Variants in CHD1L observed in about 807,000 individuals in gnomAD.
CHD1L encodes the protein ATP-dependent chromatin remodeler CHD1L.
CHD1L carries 118 observed loss-of-function variants against 115.9 expected under a neutral mutation model. The ratio of observed to expected loss-of-function variants is 1.02; its 90% CI spans 0.88 to 1.19. The LOEUF is 1.19. CHD1L is among the 50% of genes most tolerant of loss of function. The pLI is 0.00. For missense variants in CHD1L, 1,179 were observed against 1,065.3 expected (o/e 1.11, Z -1.49); for synonymous variants, 411 against 387.1 (o/e 1.06, Z -0.72).
intron 18 of CHD1L, among the ~76,000 whole-genome samples, 199 bp downstream of exon 18, chr1:147,286,699 C>A (rs1347986818): frequency 6.6e-6 from 1 of 152,172 alleles, no homozygotes; most frequent in Non-Finnish European, 1.5e-5. Flanking sequence ...AGTTACCCAA[C>A]CTTTCAACTT....
At chr1:147,224,148 G>C in the CHD1L span, 1 of 305,740 alleles carries the variant, frequency 3.3e-6, no homozygotes, top group African/African-American at 2.2e-5. Flanking sequence ...AGGAAGACCT[G>C]CACGACGTTG....
At chr1:147,286,177 G>C in intron 17 of CHD1L, 121 bp from the exon 18 acceptor site, 1 of 925,432 alleles carries the variant, frequency 1.1e-6, no homozygotes, top group Non-Finnish European at 1.6e-6. Flanking sequence ...CTTCAATCAG[G>C]GTGAGTTTCT....
chr1:147,254,356 C>T (rs1553938369), intron 2 of CHD1L, among the ~76,000 whole-genome samples: 1 of 151,940 alleles, frequency 6.6e-6, no homozygotes, highest in African/African-American at 2.4e-5. Context: ...ATAGAAGACA[C>T]CCTGTAAATA....
intron 12 of CHD1L, among the ~76,000 whole-genome samples, chr1:147,272,909 A>AAG (rs1676815004): frequency 6.6e-6 from 1 of 151,182 alleles, no homozygotes; most frequent in Non-Finnish European, 1.5e-5. Context: ...TCTGGAAAAA[A>AAG]AAAAAAAAAG....
the CHD1L span, chr1:147,212,315 G>A: frequency 6.9e-7 from 1 of 1,459,430 alleles, no homozygotes; most frequent in Non-Finnish European, 9.5e-7. Flanking sequence ...CCTATTCTCT[G>A]TTGGGTCCAC....
intron 14 of CHD1L, among the ~76,000 whole-genome samples, chr1:147,279,092 T>G (rs1361148649): frequency 6.6e-6 from 1 of 152,302 alleles, no homozygotes. Flanking sequence ...CCTGGTTATG[T>G]GTATGGAGGG....
the CHD1L span, among the ~76,000 whole-genome samples, chr1:147,228,674 G>C: frequency 2.0e-5 from 3 of 152,144 alleles, no homozygotes; most frequent in Admixed American, 6.6e-5. Context: ...AGCACCTGTT[G>C]TTTCCTGACT....
At chr1:147,222,254 G>A in the CHD1L span, among the ~76,000 whole-genome samples, 910 of 152,272 alleles carry the variant, frequency 6.0e-3, 4 homozygotes, top group Middle Eastern at 0.01. Flanking sequence ...TATAATTTCA[G>A]CTACTTGAGA....
At position 147,294,502 on chromosome 1, in the gene CHD1L, G is replaced by A. The variant is rs1686840683; in HGVS notation, c.2600G>A (p.Gly867Asp). 2 of 1,611,420 alleles carry A rather than the reference G, an allele frequency of 1.2e-6. No homozygotes were observed. The highest frequency in any genetic ancestry group is 1.7e-6 in the Non-Finnish European group (2 of 1,178,744). Residue 867 changes from glycine (G) to aspartate (D), a missense_variant, in exon 22 of 23, where the codon GGC (glycine) becomes GAC (aspartate). Coordinates refer to ENST00000369258, the MANE Select transcript of CHD1L (RefSeq NM_004284.6). Reference protein sequence around the residue: ...RLIRKHLAARGIPTYIYYFPR... With the variant: ...RLIRKHLAARDIPTYIYYFPR... ...ATTCGGAAACATCTGGCTGCAAGAG[G>A]CATCCCAACTTACATGTATCCTTTT...
intron 2 of CHD1L, among the ~76,000 whole-genome samples, chr1:147,254,458 A>G (rs587723813): frequency 2.0e-5 from 3 of 152,330 alleles, no homozygotes; most frequent in African/African-American, 7.2e-5. Context: ...CCTGGCAGGC[A>G]GCAGAGGGCC....
chr1:147,248,710 G>A (rs2102300790), intron 1 of CHD1L, among the ~76,000 whole-genome samples: 1 of 152,070 alleles, frequency 6.6e-6, no homozygotes, highest in Non-Finnish European at 1.5e-5. Context: ...ATCTCTTTGT[G>A]TAGCTTTTTA....
the CHD1L span, among the ~76,000 whole-genome samples, chr1:147,235,087 CTG>C: frequency 0.037 from 5,412 of 145,864 alleles, 109 homozygotes; most frequent in African/African-American, 0.047. Flanking sequence ...ATATCCCACA[CTG>C]TGTGTGTGTG....
intron 1 of CHD1L, among the ~76,000 whole-genome samples, chr1:147,250,499 G>C (rs1668073598): frequency 6.6e-6 from 1 of 152,062 alleles, no homozygotes; most frequent in Admixed American, 6.5e-5. Flanking sequence ...GCTGGGTGAG[G>C]GTGGGAGTTG....
the CHD1L span, among the ~76,000 whole-genome samples, chr1:147,205,843 G>A: frequency 6.6e-6 from 1 of 152,060 alleles, no homozygotes; most frequent in Non-Finnish European, 1.5e-5. Context: ...TACCATTCAG[G>A]ACATAGGCAT....
chr1:147,295,395 G>T, intron 22 of CHD1L, 36 bp from the exon 23 acceptor site: 2 of 1,451,772 alleles, frequency 1.4e-6, no homozygotes. Flanking sequence ...TTGGTTTAAA[G>T]TGATGACATG....
At chr1:147,215,140 A>G in the CHD1L span, 1 of 152,236 alleles carries the variant, frequency 6.6e-6, no homozygotes, top group African/African-American at 2.4e-5. Context: ...CACAGAAGTG[A>G]TCTGGTACAA....
At chr1:147,259,158 T>A (rs180985152) in intron 5 of CHD1L, 38 of 152,360 alleles carry the variant, frequency 2.5e-4, no homozygotes, top group African/African-American at 8.7e-4. Context: ...CTCAGTAGTA[T>A]CTGTCAAAGT....
chr1:147,249,717 T>C (rs1667810124), intron 1 of CHD1L, among the ~76,000 whole-genome samples: 1 of 152,184 alleles, frequency 6.6e-6, no homozygotes, highest in Admixed American at 6.5e-5. Context: ...TTTTGTTATG[T>C]TTGCGGTTTA....
chr1:147,242,509 G>T (rs184468614), upstream of CHD1L: 8 of 484,860 alleles, frequency 1.6e-5, no homozygotes, highest in African/African-American at 1.4e-4. Flanking sequence ...GCCCTTCCAC[G>T]CTCCGCACTG....
Sources: allele counts gnomAD v4.1 joint callset (sites outside exome capture counted in the v4.1 genomes callset), GRCh38; gene constraint gnomAD v4.1.1; transcripts MANE v1.5; gene names NCBI Gene and HGNC (gene_info 2026-07-23, HGNC 2026-07-21).